Variants in NYAP2 observed in about 807,000 individuals in gnomAD.
NYAP2 encodes the protein neuronal tyrosine-phosphorylated phosphoinositide-3-kinase adaptor 2, also known as neuronal tyrosine-phosphorylated phosphoinositide-3-kinase adapter 2.
In NYAP2, 23 loss-of-function variants were observed where a neutral mutation model predicts 50.4. That is an observed-to-expected ratio of 0.46 (90% CI 0.33 to 0.65). The LOEUF (loss-of-function observed/expected upper bound fraction) is 0.65, where lower values mean the gene tolerates loss of function less well. Among genes scored for constraint, NYAP2 ranks in the 30% least tolerant of loss-of-function variants. NYAP2 has a pLI of 0.02. For missense variants in NYAP2, 885 were observed against 861.0 expected, an observed-to-expected ratio of 1.03 and a Z score of -0.35; for synonymous variants, 394 against 365.2, an observed-to-expected ratio of 1.08 and a Z score of -0.90.
the NYAP2 span, among the ~76,000 whole-genome samples, chr2:225,667,347 C>T: frequency 6.6e-6 from 1 of 151,950 alleles, no homozygotes; most frequent in African/African-American, 2.4e-5. Context: ...TACAGTCAGA[C>T]ATAAGACAGT....
intron 5 of NYAP2, among the ~76,000 whole-genome samples, chr2:225,621,663 T>TA (rs1161865824): frequency 1.3e-5 from 2 of 152,184 alleles, no homozygotes; most frequent in Non-Finnish European, 2.9e-5. Context: ...AAATAATGAT[T>TA]AAAATAGTAC....
intron 3 of NYAP2, among the ~76,000 whole-genome samples, chr2:225,459,080 T>A (rs2106152556): frequency 6.6e-6 from 1 of 152,350 alleles, no homozygotes; most frequent in Non-Finnish European, 1.5e-5. Context: ...GTGAGAAATA[T>A]TCATAATTAC....
chr2:225,400,230 A>G (rs1694838123), exon 1 of NYAP2: 3 of 152,142 alleles, frequency 2.0e-5, no homozygotes, highest in Admixed American at 2.0e-4. Flanking sequence ...GAAACAGAGA[A>G]GAAAGATTAC....
chr2:225,664,425 T>G, the NYAP2 span, among the ~76,000 whole-genome samples: 1 of 152,188 alleles, frequency 6.6e-6, no homozygotes, highest in Admixed American at 6.5e-5. Flanking sequence ...AACGGATTAG[T>G]ATGTCATTGT....
At chr2:225,405,386 A>T (rs1403194535) in intron 2 of NYAP2, among the ~76,000 whole-genome samples, 1 of 151,988 alleles carries the variant, frequency 6.6e-6, no homozygotes, top group Non-Finnish European at 1.5e-5. Context: ...TGTTCAAGGC[A>T]AGTCTTTATA....
At chr2:225,537,072 C>T (rs1691365063) in intron 4 of NYAP2, among the ~76,000 whole-genome samples, 1 of 152,144 alleles carries the variant, frequency 6.6e-6, no homozygotes, top group Non-Finnish European at 1.5e-5. Context: ...GCCACTGAGC[C>T]CGGCCTTATT....
In NYAP2 at chr2:225,454,418, C is replaced by G. The variant is rs911330621; in HGVS notation, c.221+45317C>G. Among the ~76,000 whole-genome samples, 13 of 152,228 alleles carry G rather than the reference C, an allele frequency of 8.5e-5. No individual in the cohort carries two copies. The East Asian group carries it at 2.3e-3, about 27-fold the overall frequency. ...TAAATCTCAATAGAATTTTTTAATA[C>G]AATTATAGACTTAGTCTAGTGTCCT... On this transcript the variant is annotated intron_variant, in intron 3 of 6. Transcript: ENST00000636099.
intron 5 of NYAP2, among the ~76,000 whole-genome samples, chr2:225,584,953 G>C (rs1692363754): frequency 6.6e-6 from 1 of 152,174 alleles, no homozygotes; most frequent in African/African-American, 2.4e-5. Flanking sequence ...AGATGTTATT[G>C]GTTGTTACTA....
chr2:225,613,945 C>T (rs1177279926), intron 5 of NYAP2, among the ~76,000 whole-genome samples: 1 of 152,122 alleles, frequency 6.6e-6, no homozygotes, highest in East Asian at 1.9e-4. Flanking sequence ...TATTTTAAAA[C>T]AGAACTAATA....
intron 5 of NYAP2, among the ~76,000 whole-genome samples, chr2:225,607,234 G>A (rs1005957647): frequency 9.9e-5 from 15 of 151,974 alleles, no homozygotes; most frequent in Admixed American, 6.6e-5. Context: ...TTATTTGAGC[G>A]ATGGGTACAC....
chr2:225,594,526 A>G (rs2106237544), intron 5 of NYAP2, among the ~76,000 whole-genome samples: 1 of 152,286 alleles, frequency 6.6e-6, no homozygotes, highest in Middle Eastern at 3.4e-3. Flanking sequence ...CTGTCTAAAA[A>G]AAAATAATAA....
the NYAP2 span, among the ~76,000 whole-genome samples, chr2:225,684,916 G>A: frequency 9.5e-4 from 144 of 152,206 alleles, 1 homozygote; most frequent in Middle Eastern, 3.4e-3. Flanking sequence ...TGGACCCACT[G>A]GTCTGTTCTA....
rs938268716 is a variant in NYAP2, at chr2:225,411,457, C to A, written c.221+2356C>A. ...GCTTTGGTATGACGATTTTATGAAG[C>A]CTTTTAAATGTCCAAGTGGAGATGA... On this transcript the variant is annotated intron_variant, in intron 3 of 6. Coordinates refer to ENST00000636099, the Ensembl canonical transcript of NYAP2. Among the ~76,000 whole-genome samples the A allele has an allele frequency of 1.4e-4, 22 of 152,134 alleles. No individual in the cohort carries two copies. In the South Asian group the frequency reaches 1.9e-3, roughly 13 times the overall value.
At chr2:225,493,029 C>A (rs898786663) in intron 3 of NYAP2, among the ~76,000 whole-genome samples, 3 of 151,826 alleles carry the variant, frequency 2.0e-5, no homozygotes, top group Non-Finnish European at 4.4e-5. Flanking sequence ...CTGTGTCACC[C>A]AGGCTGGAGC....
At chr2:225,696,061 G>A in the NYAP2 span, among the ~76,000 whole-genome samples, 1 of 151,878 alleles carries the variant, frequency 6.6e-6, no homozygotes, top group African/African-American at 2.4e-5. Flanking sequence ...GTATTTTTGA[G>A]TAGCATCTGG....
At chr2:225,549,346 A>G (rs932161419) in intron 4 of NYAP2, among the ~76,000 whole-genome samples, 7 of 152,222 alleles carry the variant, frequency 4.6e-5, no homozygotes, top group Non-Finnish European at 8.8e-5. Flanking sequence ...GTGAACTCCT[A>G]TAGAACAAAA....
At chr2:225,648,562 G>C (rs191470366) in intron 6 of NYAP2, among the ~76,000 whole-genome samples, 52 of 151,904 alleles carry the variant, frequency 3.4e-4, no homozygotes, top group African/African-American at 1.1e-3. Flanking sequence ...CATTGCAAGG[G>C]GGAAAAAAAG....
At chr2:225,451,842 C>A (rs1321467537) in intron 3 of NYAP2, among the ~76,000 whole-genome samples, 1 of 152,132 alleles carries the variant, frequency 6.6e-6, no homozygotes, top group East Asian at 1.9e-4. Flanking sequence ...TTCTTCTAAA[C>A]CATTCACTCT....
chr2:225,421,535 T>C (rs1481784289), intron 3 of NYAP2, among the ~76,000 whole-genome samples: 2 of 152,204 alleles, frequency 1.3e-5, no homozygotes, highest in Non-Finnish European at 2.9e-5. Context: ...AAGACTCTTC[T>C]CTCAGGAGTA....
Sources: allele counts gnomAD v4.1 joint callset (sites outside exome capture counted in the v4.1 genomes callset), GRCh38; gene constraint gnomAD v4.1.1; transcripts MANE v1.5; gene names NCBI Gene and HGNC (gene_info 2026-07-23, HGNC 2026-07-21).